The following ZSCAN5A variants were observed in gnomAD, a reference collection of about 807,000 sequenced individuals.
ZSCAN5A encodes the protein zinc finger and SCAN domain-containing protein 5A.
A neutral mutation model predicts 23.7 loss-of-function variants in ZSCAN5A; 12 were observed. The observed-to-expected ratio is 0.51, with a 90% CI of 0.32 to 0.82. The LOEUF is 0.82. ZSCAN5A is among the 40% of genes least tolerant of loss of function. The pLI is 0.03. For synonymous variants in ZSCAN5A, 257 were observed against 239.9 expected, an observed-to-expected ratio of 1.07 and a Z score of -0.66; for missense variants, 597 against 617.9, an observed-to-expected ratio of 0.97 and a Z score of 0.36.
chr19:56,360,340 T>C (rs2041726605), intron 2 of ZSCAN5A, among the ~76,000 whole-genome samples: 1 of 151,022 alleles, frequency 6.6e-6, no homozygotes, highest in Admixed American at 6.6e-5. Flanking sequence ...ACAGAGAAAA[T>C]AAAACACCTA....
intron 2 of ZSCAN5A, among the ~76,000 whole-genome samples, chr19:56,297,221 T>G (rs1457880267): frequency 6.6e-6 from 1 of 152,146 alleles, no homozygotes; most frequent in Admixed American, 6.5e-5. Context: ...GCTGAGTCCC[T>G]GGGATCCAGG....
rs778801688 is a variant in ZSCAN5A, at chr19:56,221,654, G to A, written c.1412C>T (p.Ser471Phe). ...IHSGEKPYKC[S>F]KCPRAFSRLK... ...CCGACTGAAGGCTCTTGGACACTTG[G>A]AACATTTGTAGGGTTTCTCTCCGGA... Residue 471 changes from serine (S) to phenylalanine (F), a missense_variant, in exon 6 of 6, where the codon TCC (serine) becomes TTC (phenylalanine). This residue lies in a region of ZSCAN5A where 87 missense variants were observed against 74.4 expected (regional missense o/e 1.17). Transcript: ENST00000683990. 1 of 1,614,150 alleles carries A rather than the reference G, an allele frequency of 6.2e-7. No homozygotes were observed. The highest frequency in any genetic ancestry group is 1.7e-5 in the Admixed American group (1 of 60,008).
At chr19:56,343,005 T>C (rs958925918) in intron 2 of ZSCAN5A, 31 of 838,082 alleles carry the variant, frequency 3.7e-5, no homozygotes, top group Middle Eastern at 4.4e-4. Flanking sequence ...TTTTCAGAAG[T>C]CACTATCTAC....
intron 2 of ZSCAN5A, chr19:56,247,146 A>T (rs775694648): frequency 3.1e-6 from 2 of 647,102 alleles, no homozygotes; most frequent in African/African-American, 3.6e-5. Flanking sequence ...GACCCTTTCA[A>T]TGTAATTTCT....
Position 56,312,423 on chromosome 19 carries a change from A to C in ZSCAN5A, c.-128+860T>G, listed in dbSNP as rs1156232181. On this transcript the variant is annotated intron_variant, in intron 2 of 5. Coordinates refer to ENST00000683990, the MANE Select transcript of ZSCAN5A (RefSeq NM_001322064.3). Reference sequence around the variant, plus strand: ...TCCAAATGGAGGGACATTTTACAGAACACCTAGTCCGTACACCTCAAAACT... The same window carrying C: ...TCCAAATGGAGGGACATTTTACAGACCACCTAGTCCGTACACCTCAAAACT... 7 of 152,226 alleles carry C rather than the reference A, an allele frequency of 4.6e-5. 1 individual carries two copies. The highest frequency in any genetic ancestry group is 4.6e-4 in the Admixed American group (7 of 15,278). The allele number at this position is 152,226 out of a possible 1,614,324, so 9.4% of individuals were successfully genotyped here. A position where few individuals can be genotyped will look rare whatever the true frequency, so the allele number is the denominator to read the frequency against.
intron 2 of ZSCAN5A, among the ~76,000 whole-genome samples, chr19:56,256,726 G>A (rs1208949007): frequency 6.6e-6 from 1 of 152,194 alleles, no homozygotes; most frequent in Non-Finnish European, 1.5e-5. Context: ...GCAGCCCCTG[G>A]TGGCAGGGAC....
chr19:56,229,066 G>A lies in ZSCAN5A; in HGVS notation c.-127-3893C>T, dbSNP rs535140943. Among the ~76,000 whole-genome samples, 9 of 152,256 alleles carry A rather than the reference G, an allele frequency of 5.9e-5. No individual in the cohort carries two copies. In the South Asian group the frequency reaches 1.9e-3, roughly 32 times the overall value. ...CTCAAGCACGAAAAGCCTTAACGGTGGGTGTGAATTTTACTGTGTGGATCA... is the reference window on the plus strand; with the variant it reads ...CTCAAGCACGAAAAGCCTTAACGGTAGGTGTGAATTTTACTGTGTGGATCA... On this transcript the variant is annotated intron_variant, in intron 2 of 5. Coordinates refer to ENST00000683990, the MANE Select transcript of ZSCAN5A (RefSeq NM_001322064.3).
chr19:56,362,947 C>A (rs916762879), intron 2 of ZSCAN5A, among the ~76,000 whole-genome samples: 1 of 151,444 alleles, frequency 6.6e-6, no homozygotes, highest in Admixed American at 6.6e-5. Context: ...ATTTTTACAA[C>A]TTTTTAGTAA....
chr19:56,289,528 C>T (rs1370603423), intron 2 of ZSCAN5A, among the ~76,000 whole-genome samples: 1 of 152,176 alleles, frequency 6.6e-6, no homozygotes, highest in Non-Finnish European at 1.5e-5. Context: ...AAAGACTTGT[C>T]CATCTTTTAG....
At chr19:56,320,083 A>T in intron 2 of ZSCAN5A, 1 of 774,436 alleles carries the variant, frequency 1.3e-6, no homozygotes, top group Non-Finnish European at 2.4e-6. Context: ...TATACCTGTC[A>T]CTGTCTGAAG....
chr19:56,300,924 G>A (rs1256908695), intron 2 of ZSCAN5A, among the ~76,000 whole-genome samples: 1 of 152,202 alleles, frequency 6.6e-6, no homozygotes, highest in African/African-American at 2.4e-5. Context: ...AAGCGACACG[G>A]TCGGATCTGG....
intron 2 of ZSCAN5A, chr19:56,321,994 C>A: frequency 1.3e-6 from 1 of 779,484 alleles, no homozygotes; most frequent in South Asian, 1.3e-5. Context: ...TGCTGCTGGT[C>A]CCTGGTAAGT....
At chr19:56,295,340 T>A (rs2039795128) in intron 2 of ZSCAN5A, among the ~76,000 whole-genome samples, 1 of 152,088 alleles carries the variant, frequency 6.6e-6, no homozygotes, top group Non-Finnish European at 1.5e-5. Flanking sequence ...ACACCTGTAA[T>A]CCCAGCACTT....
intron 2 of ZSCAN5A, among the ~76,000 whole-genome samples, chr19:56,257,362 G>A (rs1185611265): frequency 6.6e-6 from 1 of 152,174 alleles, no homozygotes; most frequent in African/African-American, 2.4e-5. Flanking sequence ...TGATCTCCAC[G>A]TTCCCAACAG....
At chr19:56,353,522 C>A (rs1439908231) in intron 2 of ZSCAN5A, among the ~76,000 whole-genome samples, 2 of 152,114 alleles carry the variant, frequency 1.3e-5, no homozygotes, top group African/African-American at 2.4e-5. Flanking sequence ...GTAATCCCAG[C>A]ATTTTGGGAG....
At chr19:56,324,440 A>G (rs187468692) in intron 2 of ZSCAN5A, among the ~76,000 whole-genome samples, 6 of 152,334 alleles carry the variant, frequency 3.9e-5, no homozygotes, top group Admixed American at 3.3e-4. Flanking sequence ...ATGAGAAATT[A>G]TCTCACTCCA....
chr19:56,233,492 C>A (rs369076545), intron 2 of ZSCAN5A, among the ~76,000 whole-genome samples: 1 of 152,050 alleles, frequency 6.6e-6, no homozygotes, highest in African/African-American at 2.4e-5. Flanking sequence ...GATGAGCCAT[C>A]CTGGCGGTGG....
At chr19:56,319,970 G>A (rs1013299836) in intron 2 of ZSCAN5A, 3 of 1,243,324 alleles carry the variant, frequency 2.4e-6, no homozygotes, top group Non-Finnish European at 3.6e-6. Context: ...TTCATGGAGT[G>A]TATTTTCATC....
intron 2 of ZSCAN5A, among the ~76,000 whole-genome samples, chr19:56,332,513 TCTTCCAAC>T (rs1292683172): frequency 6.6e-6 from 1 of 152,246 alleles, no homozygotes; most frequent in African/African-American, 2.4e-5. Flanking sequence ...TGTATGATTT[TCTTCCAAC>T]CTTTTACTTT....
Sources: gnomAD v4.1 joint callset for allele counts (sites outside exome capture counted in the v4.1 genomes callset) on GRCh38, gnomAD v4.1.1 for gene constraint, gnomAD v4.1.1 regional missense constraint, MANE v1.5 for transcripts, NCBI Gene and HGNC (gene_info 2026-07-23, HGNC 2026-07-21) for gene names.